GMPR: variants seen among roughly 807,000 people sequenced by gnomAD.
GMPR encodes the protein GMP reductase 1.
GMPR carries 31 observed loss-of-function variants against 38.4 expected under a neutral mutation model. The ratio of observed to expected loss-of-function variants is 0.81; its 90% confidence interval spans 0.61 to 1.09. GMPR has a LOEUF of 1.09. GMPR is among the 50% of genes least tolerant of loss of function. GMPR has a pLI of 0.00. For synonymous variants in GMPR, 162 were observed against 173.3 expected, an observed-to-expected ratio of 0.93 and a Z score of 0.51; for missense variants, 468 against 453.7, an observed-to-expected ratio of 1.03 and a Z score of -0.29.
At position 16,295,180 on chromosome 6, in the gene GMPR, C is replaced by T; in HGVS notation, c.1032C>T (p.Phe344=). 1 of 1,514,050 alleles carries T rather than the reference C, an allele frequency of 6.6e-7. No individual in the cohort carries two copies. The highest frequency in any genetic ancestry group is 8.8e-7 in the Non-Finnish European group (1 of 1,137,540). 93.8% of individuals were successfully genotyped at this position (1,514,050 alleles called of 1,614,324 possible). A position where few individuals can be genotyped will look rare whatever the true frequency, so the allele number is the denominator to read the frequency against. ...IRVTQQHNTV[F]S Reference sequence around the variant, plus strand: ...TGACCCAGCAGCACAACACCGTGTTCAGCTAACCCTGGGGACAAAGCAGCG... The same window carrying T: ...TGACCCAGCAGCACAACACCGTGTTTAGCTAACCCTGGGGACAAAGCAGCG... The change falls in exon 9 of 9, where the codon TTC becomes TTT. Residue 344 remains phenylalanine, a synonymous_variant. Transcript: ENST00000259727.
chr6:16,274,085 A>T (rs1159585926), intron 4 of GMPR, among the ~76,000 whole-genome samples: 2 of 152,234 alleles, frequency 1.3e-5, no homozygotes, highest in East Asian at 3.9e-4. Context: ...AAGTACTGAG[A>T]TTACAGGCGT....
intron 6 of GMPR, among the ~76,000 whole-genome samples, chr6:16,282,529 GT>G (rs1420090927): frequency 6.6e-6 from 1 of 152,176 alleles, no homozygotes; most frequent in Non-Finnish European, 1.5e-5. Flanking sequence ...TTATAGCTGT[GT>G]GACCTTAGGA....
chr6:16,287,956 C>T (rs1759720715), intron 7 of GMPR, among the ~76,000 whole-genome samples: 1 of 152,230 alleles, frequency 6.6e-6, no homozygotes, highest in East Asian at 1.9e-4. Flanking sequence ...ATGTTTCCTC[C>T]TCCTGATTAG....
chr6:16,283,889 G>C (rs1196581736), intron 6 of GMPR, among the ~76,000 whole-genome samples: 2 of 151,054 alleles, frequency 1.3e-5, no homozygotes, highest in Non-Finnish European at 3.0e-5. Flanking sequence ...TTTTGATAAA[G>C]AGATAAAGCA....
chr6:16,291,122 C>T (rs897693193), intron 8 of GMPR, among the ~76,000 whole-genome samples: 1 of 152,220 alleles, frequency 6.6e-6, no homozygotes, highest in African/African-American at 2.4e-5. Flanking sequence ...TCACCTTCCT[C>T]CAGGCTCCGA....
chr6:16,265,906 A>T (rs947814310), intron 4 of GMPR, among the ~76,000 whole-genome samples: 1 of 152,170 alleles, frequency 6.6e-6, no homozygotes, highest in African/African-American at 2.4e-5. Context: ...TACTGCAAAG[A>T]TGTGCAGTTT....
intron 2 of GMPR, among the ~76,000 whole-genome samples, chr6:16,249,446 A>C (rs946199232): frequency 6.6e-6 from 1 of 152,192 alleles, no homozygotes; most frequent in Non-Finnish European, 1.5e-5. Flanking sequence ...CTGGGATTAC[A>C]GGAATGTGCC....
chr6:16,266,181 T>C (rs192676514), intron 4 of GMPR, among the ~76,000 whole-genome samples: 3 of 22,624 alleles, frequency 1.3e-4, no homozygotes, highest in African/African-American at 3.5e-4. Context: ...CTGTAACACT[T>C]GCCATCTTTA....
intron 1 of GMPR, among the ~76,000 whole-genome samples, chr6:16,242,774 G>T (rs1758676280): frequency 6.6e-6 from 1 of 152,214 alleles, no homozygotes; most frequent in Admixed American, 6.5e-5. Flanking sequence ...GAGTAACTGG[G>T]ATTATAGGCA....
intron 7 of GMPR, among the ~76,000 whole-genome samples, chr6:16,289,106 G>A (rs557554422): frequency 2.0e-5 from 3 of 152,324 alleles, no homozygotes; most frequent in Admixed American, 6.5e-5. Flanking sequence ...AGATTCTGTT[G>A]CTGCTCGGTC....
At chr6:16,288,688 C>G (rs548901141) in intron 7 of GMPR, among the ~76,000 whole-genome samples, 2 of 152,226 alleles carry the variant, frequency 1.3e-5, no homozygotes, top group Non-Finnish European at 2.9e-5. Context: ...AGCCCCAGTG[C>G]GGATCCACTG....
At chr6:16,269,189 G>A (rs1313093458) in intron 4 of GMPR, among the ~76,000 whole-genome samples, 1 of 151,878 alleles carries the variant, frequency 6.6e-6, no homozygotes, top group African/African-American at 2.4e-5. Context: ...CCTGTGCTAA[G>A]AATTTGAGAG....
At chr6:16,269,303 C>G (rs1759335822) in intron 4 of GMPR, among the ~76,000 whole-genome samples, 1 of 152,158 alleles carries the variant, frequency 6.6e-6, no homozygotes, top group East Asian at 1.9e-4. Context: ...CTCAAAAGTA[C>G]CCAGTAATGA....
rs1161919049 is a variant in GMPR at position 16,274,485 on chromosome 6, G to A, written c.536G>A (p.Gly179Glu). 11 of 1,597,456 alleles carry A rather than the reference G, an allele frequency of 6.9e-6. No individual in the cohort carries two copies. The highest frequency in any genetic ancestry group is 3.3e-4 in the Middle Eastern group (2 of 6,030). The change falls in exon 5 of 9, where the codon GGA (glycine) becomes GAA (glutamate). Residue 179 changes from glycine to glutamate, a missense_variant. Coordinates refer to ENST00000259727, the MANE Select transcript of GMPR (RefSeq NM_006877.4). ...TCCGGAGCAGATATCATCAAAGTGG[G>A]AGTTGGACCAGGTAAGACTTGTTAG... ...ILSGADIIKV[G>E]VGPGSVCTTR...
chr6:16,281,653 C>T (rs1199708855), intron 6 of GMPR, among the ~76,000 whole-genome samples: 14 of 149,058 alleles, frequency 9.4e-5, no homozygotes, highest in African/African-American at 2.7e-4. Flanking sequence ...TACAGGCACG[C>T]GCCACCACGC....
chr6:16,277,209 C>T (rs1759488530), intron 5 of GMPR, among the ~76,000 whole-genome samples: 1 of 152,236 alleles, frequency 6.6e-6, no homozygotes, highest in Non-Finnish European at 1.5e-5. Context: ...CAGGGAGCTA[C>T]AGGACTTCTG....
chr6:16,271,513 T>G (rs1263227062), intron 4 of GMPR, among the ~76,000 whole-genome samples: 3 of 152,146 alleles, frequency 2.0e-5, no homozygotes, highest in Non-Finnish European at 4.4e-5. Flanking sequence ...ACAAAATGTG[T>G]GGTGGGCTTA....
At chr6:16,265,813 C>T (rs73362629) in intron 4 of GMPR, among the ~76,000 whole-genome samples, 9,534 of 152,282 alleles carry the variant, frequency 0.063, 601 homozygotes, top group African/African-American at 0.17. Flanking sequence ...ACTCCGGAAC[C>T]CTTCCACGCC....
At chr6:16,284,305 C>T (rs1759634211) in intron 6 of GMPR, among the ~76,000 whole-genome samples, 1 of 152,192 alleles carries the variant, frequency 6.6e-6, no homozygotes, top group Non-Finnish European at 1.5e-5. Context: ...GGAACTGAGT[C>T]ACAGAGACCC....
Sources: gnomAD v4.1 joint callset for allele counts (sites outside exome capture counted in the v4.1 genomes callset) on GRCh38, gnomAD v4.1.1 for gene constraint, MANE v1.5 for transcripts, NCBI Gene and HGNC (gene_info 2026-07-23, HGNC 2026-07-21) for gene names.